TTC23L: variants seen among roughly 807,000 people sequenced by gnomAD.
TTC23L encodes tetratricopeptide repeat protein 23-like.
TTC23L carries 42 observed loss-of-function variants against 48.1 expected under a neutral mutation model. The ratio of observed to expected loss-of-function variants is 0.87; its 90% confidence interval spans 0.68 to 1.13. The LOEUF (loss-of-function observed/expected upper bound fraction) is 1.13. TTC23L is among the 50% of genes most tolerant of loss of function. TTC23L has a pLI of 0.00. For missense variants in TTC23L, 391 were observed against 421.0 expected (o/e 0.93, Z 0.62); for synonymous variants, 159 against 157.2 (o/e 1.01, Z -0.09).
chr5:34,886,990 T>C (rs1204384143), intron 9 of TTC23L, among the ~76,000 whole-genome samples: 6 of 152,164 alleles, frequency 3.9e-5, no homozygotes. Context: ...ACAGAATGAA[T>C]CTAAAGGCTT....
chr5:34,840,334 A>T (rs1437798712), intron 1 of TTC23L, among the ~76,000 whole-genome samples: 3 of 151,142 alleles, frequency 2.0e-5, no homozygotes, highest in Non-Finnish European at 4.4e-5. Flanking sequence ...ACGCCGTCAG[A>T]CCTGCAAAAA....
intron 4 of TTC23L, among the ~76,000 whole-genome samples, chr5:34,859,446 A>G (rs749994365): frequency 1.3e-5 from 2 of 152,216 alleles, no homozygotes; most frequent in South Asian, 2.1e-4. Flanking sequence ...GGCATCTGCT[A>G]TGGTTCGAGC....
intron 8 of TTC23L, among the ~76,000 whole-genome samples, chr5:34,871,848 G>T (rs1029411974): frequency 9.9e-5 from 15 of 152,136 alleles, no homozygotes; most frequent in Admixed American, 8.5e-4. Flanking sequence ...ATATGGAAAG[G>T]ATAGTCTTTA....
At chr5:34,869,117 G>A in intron 8 of TTC23L, 104 bp downstream of exon 8, 1 of 888,756 alleles carries the variant, frequency 1.1e-6, no homozygotes, top group Non-Finnish European at 1.8e-6. Flanking sequence ...TTCCTGTAAT[G>A]GAAAAATTAG....
chr5:34,915,256 C>T, the TTC23L span: 2 of 298,466 alleles, frequency 6.7e-6, no homozygotes, highest in South Asian at 4.9e-5. Context: ...TTTTGTGCAG[C>T]CCGCGCCACC....
intron 8 of TTC23L, chr5:34,869,762 G>T (rs999881936): frequency 2.0e-5 from 3 of 152,168 alleles, no homozygotes; most frequent in African/African-American, 7.2e-5. Context: ...GAGAGGGACA[G>T]AATTATAGAG....
At chr5:34,876,072 G>A (rs1269366292) in intron 8 of TTC23L, among the ~76,000 whole-genome samples, 1 of 152,132 alleles carries the variant, frequency 6.6e-6, no homozygotes, top group East Asian at 1.9e-4. Context: ...ACTTTAAAAT[G>A]TTTTGAATTA....
intron 8 of TTC23L, 55 bp from the exon 9 acceptor site, chr5:34,880,126 T>C (rs565655200): frequency 1.3e-6 from 2 of 1,563,744 alleles, no homozygotes; most frequent in Non-Finnish European, 1.7e-6. Flanking sequence ...AAGCTGATAT[T>C]AGACATTTGT....
At chr5:34,877,075 C>T (rs559946620) in intron 8 of TTC23L, among the ~76,000 whole-genome samples, 1 of 152,274 alleles carries the variant, frequency 6.6e-6, no homozygotes, top group Admixed American at 6.5e-5. Context: ...AACAAAACAT[C>T]AGCAAGTTGA....
At chr5:34,860,811 TCTA>T (rs1561132637) in intron 4 of TTC23L, 1 of 152,180 alleles carries the variant, frequency 6.6e-6, no homozygotes, top group Non-Finnish European at 1.5e-5. Flanking sequence ...CTTCCTCATA[TCTA>T]CTATTTTTCT....
At chr5:34,876,385 C>G (rs1450316516) in intron 8 of TTC23L, among the ~76,000 whole-genome samples, 1 of 150,670 alleles carries the variant, frequency 6.6e-6, no homozygotes, top group Non-Finnish European at 1.5e-5. Context: ...GGAAAAAAGA[C>G]AGGACACAAA....
At chr5:34,922,667 A>T in the TTC23L span, 1 of 1,606,426 alleles carries the variant, frequency 6.2e-7, no homozygotes, top group Non-Finnish European at 8.5e-7. Flanking sequence ...AGTTACAACT[A>T]TTTTTGTTTT....
At chr5:34,861,367 A>G (rs769603723) in intron 4 of TTC23L, 2 of 167,074 alleles carry the variant, frequency 1.2e-5, no homozygotes, top group Admixed American at 5.8e-5. Context: ...TTTGGGGGGC[A>G]TGGATCAAGC....
chr5:34,898,865 CTG>C (rs1402333297), intron 10 of TTC23L, among the ~76,000 whole-genome samples: 3 of 152,146 alleles, frequency 2.0e-5, no homozygotes, highest in East Asian at 1.9e-4. Context: ...TTAATAGTAA[CTG>C]TGTTTCTGGA....
chr5:34,893,977 T>C (rs554023139), intron 9 of TTC23L, among the ~76,000 whole-genome samples: 1 of 152,310 alleles, frequency 6.6e-6, no homozygotes, highest in Admixed American at 6.5e-5. Context: ...ACCTATCGTT[T>C]TTGTGGTAAT....
At chr5:34,842,599 G>A (rs555461314) in intron 2 of TTC23L, among the ~76,000 whole-genome samples, 15 of 152,218 alleles carry the variant, frequency 9.9e-5, no homozygotes, top group Admixed American at 9.2e-4. Context: ...AAGGGGGGTG[G>A]AAGAAGGGGT....
chr5:34,840,250 GA>G (rs1554016489), intron 1 of TTC23L, among the ~76,000 whole-genome samples: 2,299 of 108,232 alleles, frequency 0.021, 216 homozygotes, highest in African/African-American at 0.057. Flanking sequence ...GGGGGGGGGG[GA>G]AAGCAGAATT....
At chr5:34,880,055 C>G in intron 8 of TTC23L, 126 bp from the exon 9 acceptor site, 1 of 1,176,470 alleles carries the variant, frequency 8.5e-7, no homozygotes, top group South Asian at 1.6e-5. Flanking sequence ...TTAAAGAGTC[C>G]TTATGAGACC....
At chr5:34,902,151 C>T (rs576115049), downstream of TTC23L, among the ~76,000 whole-genome samples, 9 of 151,946 alleles carry the variant, frequency 5.9e-5, no homozygotes, top group South Asian at 2.1e-4. Flanking sequence ...TGGCCGGGCG[C>T]GGTGGCTTAA....
Sources: allele counts gnomAD v4.1 joint callset (sites outside exome capture counted in the v4.1 genomes callset), GRCh38; gene constraint gnomAD v4.1.1; transcripts MANE v1.5; gene names NCBI Gene and HGNC (gene_info 2026-07-23, HGNC 2026-07-21).